NRAP: variants seen among roughly 807,000 people sequenced by gnomAD.
NRAP encodes nebulin-related-anchoring protein.
NRAP carries 189 observed loss-of-function variants against 225.9 expected under a neutral mutation model. The observed-to-expected ratio is 0.84, with a 90% CI of 0.74 to 0.94. The LOEUF is 0.94. NRAP is among the 40% of genes least tolerant of loss of function. The probability of loss-of-function intolerance (pLI) is 0.00; values close to 1 mark genes in which losing one functional copy is unlikely to be tolerated. For missense variants in NRAP, 2,176 were observed against 2,168.7 expected (o/e 1.00, Z -0.07); for synonymous variants, 769 against 790.7 (o/e 0.97, Z 0.46).
At chr10:113,616,853 T>C (rs1036673168) in intron 26 of NRAP, among the ~76,000 whole-genome samples, 2 of 152,140 alleles carry the variant, frequency 1.3e-5, no homozygotes, top group African/African-American at 4.8e-5. Flanking sequence ...CACAAAGTGT[T>C]TTTTTTCAGC....
chr10:113,626,216 C>CAA, intron 20 of NRAP, 71 bp from the exon 21 acceptor site: 1 of 796,962 alleles, frequency 1.3e-6, no homozygotes, highest in Admixed American at 2.6e-5. Context: ...CATGTGCCCC[C>CAA]ACACACACAC....
At chr10:113,647,354 G>A (rs2134133329) in intron 9 of NRAP, among the ~76,000 whole-genome samples, 1 of 152,002 alleles carries the variant, frequency 6.6e-6, no homozygotes, top group Non-Finnish European at 1.5e-5. Flanking sequence ...CTGACAACCA[G>A]GGAAGTCCTT....
At position 113,650,450 on chromosome 10, in the gene NRAP, C is replaced by T. The variant is rs920023600; in HGVS notation, c.771G>A (p.Glu257=). The T allele has an allele frequency of 6.2e-7, 1 of 1,611,986 alleles. No homozygotes were observed. The highest frequency in any genetic ancestry group is 8.5e-7 in the Non-Finnish European group (1 of 1,178,142). The change falls in exon 8 of 42, where the codon GAG becomes GAA. Residue 257 remains glutamate, a synonymous_variant. Transcript: ENST00000359988. ...CAAGGACACTTACATCACTTGCCAG[C>T]TCATTGGCTCTTTTGGCTATCTGAT... The part of the protein sequence containing the change: ...PAYQIAKRAN[E]LASDVRYHQQ...
At chr10:113,627,165 C>G (rs1310503572) in intron 20 of NRAP, among the ~76,000 whole-genome samples, 1 of 152,208 alleles carries the variant, frequency 6.6e-6, no homozygotes, top group Non-Finnish European at 1.5e-5. Context: ...GAAAACATTC[C>G]AAACAGTCTT....
At chr10:113,604,125 T>C (rs1396855783) in intron 35 of NRAP, among the ~76,000 whole-genome samples, 1 of 151,506 alleles carries the variant, frequency 6.6e-6, no homozygotes, top group East Asian at 1.9e-4. Flanking sequence ...ATAAAGACTG[T>C]TTTTTTTCTG....
At chr10:113,653,501 C>T (rs912938762) in intron 5 of NRAP, among the ~76,000 whole-genome samples, 1 of 152,162 alleles carries the variant, frequency 6.6e-6, no homozygotes, top group African/African-American at 2.4e-5. Flanking sequence ...CTAGCATTTT[C>T]TTTCCATTTT....
At position 113,590,590 on chromosome 10, in the gene NRAP, C is replaced by T. The variant is rs1389832098; in HGVS notation, c.4944G>A (p.Gln1648=). 1.2e-6 allele frequency: 2 copies of T among 1,611,288 alleles called. No individual in the cohort carries two copies. Among genetic ancestry groups the T allele is most frequent in the Non-Finnish European group, 1.7e-6 (2 of 1,179,664 alleles). ...GGAGGTGGCTCACATCACTCTGCAG[C>T]TGGTGGGCCTTCTGAGCATGCCTGA... The part of the protein sequence containing the change: ...LGLRHAQKAH[Q]LQSDVKYKSD... Residue 1648 remains glutamine (Q), a synonymous_variant, in exon 40 of 42, where the codon CAG becomes CAA. Transcript: ENST00000359988.
intron 10 of NRAP, 59 bp downstream of exon 10, chr10:113,646,864 G>T: frequency 4.4e-6 from 5 of 1,132,680 alleles, no homozygotes; most frequent in Non-Finnish European, 6.8e-6. Context: ...AGTAAGCACA[G>T]CCTTCAAAGT....
chr10:113,621,524 G>T (rs1488822348), intron 24 of NRAP, among the ~76,000 whole-genome samples: 1 of 152,118 alleles, frequency 6.6e-6, no homozygotes, highest in African/African-American at 2.4e-5. Flanking sequence ...AAGTCGGGGT[G>T]AGTTATCAGC....
intron 32 of NRAP, 140 bp downstream of exon 32, chr10:113,608,274 T>C (rs746716449): frequency 8.4e-6 from 5 of 592,490 alleles, no homozygotes; most frequent in Middle Eastern, 2.7e-4. Context: ...AATGTTTAGG[T>C]TCCATATAAT....
In NRAP at chr10:113,597,421, G is replaced by A. The variant is rs151298251; in HGVS notation, c.4333-237C>T. ...GAAGAGAGAGGCCACAAAATACTAC[G>A]GCTCCCCACAATAAAGGAATTCAGT... is the stretch of plus-strand genomic sequence containing the variant. On this transcript the variant is annotated intron_variant, in intron 36 of 41. Coordinates refer to ENST00000359988, the MANE Select transcript of NRAP (RefSeq NM_198060.4). Among the ~76,000 whole-genome samples the A allele has an allele frequency of 2.0e-3, 299 of 152,162 alleles. 2 individuals carry two copies. The highest frequency in any genetic ancestry group is 6.8e-3 in the African/African-American group (284 of 41,512).
rs753736245 is a variant in NRAP, at chr10:113,663,897, A to G, written c.-15T>C. 3 of 1,608,066 alleles carry G rather than the reference A, an allele frequency of 1.9e-6. No homozygotes were observed. The Admixed American group carries it at 5.0e-5, about 27-fold the overall frequency. On this transcript the variant is annotated 5_prime_UTR_variant, in exon 1 of 42. Transcript: ENST00000359988. ...TGCACATTCATCTCGAAGCCGGAAG[A>G]GAGAGGACAAAGATAGGCAACAGGC...
rs11575790 is a variant in NRAP, at chr10:113,589,708, C to T, written c.5046G>A (p.Ala1682=). ...CCAGGCCCCTTGCGTTGGCCAGTTC[C>T]GCAGCCCGCCGAGCCATTTCCACTT... ...SYKVEMARRA[A]ELANARGLGL... The change falls in exon 41 of 42, where the codon GCG becomes GCA. Residue 1682 remains alanine (A), a synonymous_variant. Coordinates refer to ENST00000359988, the MANE Select transcript of NRAP (RefSeq NM_198060.4). The T allele has an allele frequency of 1.6e-3, 2,558 of 1,614,064 alleles. 36 individuals are homozygous for T. In the African/African-American group the frequency reaches 0.029, roughly 18 times the overall value.
At chr10:113,604,209 C>T (rs1401425436) in intron 35 of NRAP, among the ~76,000 whole-genome samples, 1 of 152,246 alleles carries the variant, frequency 6.6e-6, no homozygotes, top group South Asian at 2.1e-4. Flanking sequence ...CTCTGCCTCT[C>T]GGGTTCAAGC....
chr10:113,619,877 C>G (rs992865369), intron 25 of NRAP, among the ~76,000 whole-genome samples: 1 of 152,158 alleles, frequency 6.6e-6, no homozygotes. Context: ...AATTCTGCTT[C>G]CTGGGGGGCT....
chr10:113,635,940 A>G (rs529586418), intron 14 of NRAP, among the ~76,000 whole-genome samples: 1 of 152,266 alleles, frequency 6.6e-6, no homozygotes, highest in East Asian at 1.9e-4. Flanking sequence ...GATATCTCAG[A>G]TGGGTCCTCA....
At chr10:113,610,843 T>A (rs373542296) in intron 30 of NRAP, among the ~76,000 whole-genome samples, 1 of 152,344 alleles carries the variant, frequency 6.6e-6, no homozygotes, top group African/African-American at 2.4e-5. Flanking sequence ...TTTATTTTAA[T>A]GTGGGCTATC....
chr10:113,631,901 T>C lies in NRAP; in HGVS notation c.1696A>G (p.Met566Val). 6.2e-7 allele frequency: 1 copy of C among 1,613,924 alleles called. No individual in the cohort carries two copies. The highest frequency in any genetic ancestry group is 8.5e-7 in the Non-Finnish European group (1 of 1,179,772). The change falls in exon 17 of 42, where the codon ATG becomes GTG. Residue 566 changes from methionine (M) to valine (V), a missense_variant. Met to Val is a conservative substitution (Grantham distance 21). This residue lies in a region of NRAP where 1,708 missense variants were observed against 1,695.5 expected (regional missense o/e 1.01). Coordinates refer to ENST00000359988, the MANE Select transcript of NRAP (RefSeq NM_198060.4). ...GAGGCTTTGGCGGCCAGCAGAGACATGGCATCCAGCTTCATCTCAAATCCT... is the reference window on the plus strand; with the variant it reads ...GAGGCTTTGGCGGCCAGCAGAGACACGGCATCCAGCTTCATCTCAAATCCT... ...GKGFEMKLDA[M>V]SLLAAKASGE... is the part of the protein sequence containing the mutation.
chr10:113,605,810 T>C lies in NRAP; in HGVS notation c.3867A>G (p.Glu1289=). Residue 1289 remains glutamate (E), a synonymous_variant, in exon 34 of 42, where the codon GAA becomes GAG. Coordinates refer to ENST00000359988, the MANE Select transcript of NRAP (RefSeq NM_198060.4). ...LRAQGYKLTI[E]ALPFQAARAS... is the part of the protein sequence containing the mutation. The stretch of plus-strand genomic sequence containing the variant: ...CCCGGGCAGCCTGGAAGGGGAGCGC[T>C]TCTATTGTCAGCTTGTAGCCTTGAG... 1 of 1,614,162 alleles carries C rather than the reference T, an allele frequency of 6.2e-7. No individual in the cohort carries two copies. The highest frequency in any genetic ancestry group is 1.7e-5 in the Admixed American group (1 of 60,022).
Sources: gnomAD v4.1 joint callset for allele counts (sites outside exome capture counted in the v4.1 genomes callset) on GRCh38, gnomAD v4.1.1 for gene constraint, gnomAD v4.1.1 regional missense constraint, MANE v1.5 for transcripts, NCBI Gene and HGNC (gene_info 2026-07-23, HGNC 2026-07-21) for gene names.